Variants in ZNF510 observed in about 807,000 individuals in gnomAD.
The protein encoded by ZNF510 is zinc finger protein 510.
ZNF510 carries 15 observed loss-of-function variants against 18.1 expected under a neutral mutation model. The ratio of observed to expected loss-of-function variants is 0.83; its 90% confidence interval spans 0.55 to 1.28. ZNF510 has a LOEUF of 1.28. Among genes scored for constraint, ZNF510 ranks in the 50% most tolerant of loss-of-function variants. The pLI is 0.00. For missense variants in ZNF510, 724 were observed against 791.8 expected (o/e 0.91, Z 1.03); for synonymous variants, 261 against 266.4 (o/e 0.98, Z 0.20).
In ZNF510 at chr9:96,758,119, T is replaced by TC. The variant is rs912440496; in HGVS notation, c.*658_*659insG. On this transcript the variant is annotated 3_prime_UTR_variant, in exon 6 of 6. Transcript: ENST00000223428. ...AAATTGCGTAAAGTGAAAATACAGATAAGGGGGGACTACTGTATAAGCTTA... is the reference window on the plus strand; with the variant it reads ...AAATTGCGTAAAGTGAAAATACAGATCAAGGGGGGACTACTGTATAAGCTTA... 5.9e-5 allele frequency: 9 copies of TC among 152,182 alleles called. No individual in the cohort carries two copies. Among genetic ancestry groups the TC allele is most frequent in the African/African-American group, 2.2e-4 (9 of 41,434 alleles). The allele number at this position is 152,182 out of a possible 1,614,324, so 9.4% of individuals were successfully genotyped here.
rs2117903907 is a variant in ZNF510, at chr9:96,758,216, GCA to G, written c.*560_*561del. 1 of 152,408 alleles carries G rather than the reference GCA, an allele frequency of 6.6e-6. No individual in the cohort carries two copies. Among genetic ancestry groups the G allele is most frequent in the African/African-American group, 2.4e-5 (1 of 41,564 alleles). 9.4% of individuals were successfully genotyped at this position (152,408 alleles called of 1,614,324 possible). A position where few individuals can be genotyped will look rare whatever the true frequency, so the allele number is the denominator to read the frequency against. ...AATTTTGCTGCGTGTATTCATTCAG[GCA>G]CAGACTTCTTTATCTTGTACCATGC... On this transcript the variant is annotated 3_prime_UTR_variant, in exon 6 of 6. Transcript: ENST00000223428.
intron 3 of ZNF510, among the ~76,000 whole-genome samples, chr9:96,767,570 A>G (rs1476024179): frequency 6.7e-6 from 1 of 149,878 alleles, no homozygotes; most frequent in African/African-American, 2.6e-5. Flanking sequence ...TACAAAATAA[A>G]AAAGACTATA....
At chr9:96,770,614 T>A (rs75807873) in intron 3 of ZNF510, among the ~76,000 whole-genome samples, 3,536 of 127,708 alleles carry the variant, frequency 0.028, 53 homozygotes, top group East Asian at 0.055. Flanking sequence ...AAAAAAAAAA[T>A]ATATATATAT....
At chr9:96,764,412 A>G (rs1229057265) in intron 3 of ZNF510, among the ~76,000 whole-genome samples, 1 of 152,144 alleles carries the variant, frequency 6.6e-6, no homozygotes, top group Non-Finnish European at 1.5e-5. Flanking sequence ...TTGGCCTCCA[A>G]AAGCTCTGGG....
intron 3 of ZNF510, among the ~76,000 whole-genome samples, chr9:96,767,866 C>T (rs1374551871): frequency 6.6e-6 from 1 of 152,124 alleles, no homozygotes; most frequent in Non-Finnish European, 1.5e-5. Context: ...GTGAACATTT[C>T]CTAACTCATT....
At chr9:96,763,664 G>T (rs1156287879) in intron 3 of ZNF510, 32 bp from the exon 4 acceptor site, 1 of 1,543,474 alleles carries the variant, frequency 6.5e-7, no homozygotes. Flanking sequence ...CAATCTGAAG[G>T]GTTCAGAATT....
At position 96,778,071 on chromosome 9, in the gene ZNF510, G is replaced by A. The variant is rs977077984; in HGVS notation, c.-214C>T. ...CCCTCTGCACCAGCAAACACTAACA[G>A]GGAGAAGCCGGAAAGTGGGGTTGAC... On this transcript the variant is annotated 5_prime_UTR_variant, in exon 1 of 6. Coordinates refer to ENST00000223428, the MANE Select transcript of ZNF510 (RefSeq NM_014930.3). The A allele has an allele frequency of 2.0e-5, 3 of 152,318 alleles. No homozygotes were observed. The highest frequency in any genetic ancestry group is 6.5e-5 in the Admixed American group (1 of 15,288). 9.4% of individuals were successfully genotyped at this position (152,318 alleles called of 1,614,324 possible). A position where few individuals can be genotyped will look rare whatever the true frequency, so the allele number is the denominator to read the frequency against.
At position 96,756,488 on chromosome 9, in the gene ZNF510, C is replaced by G. The variant is rs1564430701; in HGVS notation, c.*2290G>C. 1 of 152,218 alleles carries G rather than the reference C, an allele frequency of 6.6e-6. No homozygotes were observed. Among genetic ancestry groups the G allele is most frequent in the Non-Finnish European group, 1.5e-5 (1 of 68,044 alleles). The allele number at this position is 152,218 out of a possible 1,614,324, so 9.4% of individuals were successfully genotyped here. A position where few individuals can be genotyped will look rare whatever the true frequency, so the allele number is the denominator to read the frequency against. ...TTTCCCTTCTAAGAGACAGCTACTA[C>G]TATTGCCTATACAGCTGACATACTG... On this transcript the variant is annotated 3_prime_UTR_variant, in exon 6 of 6. Transcript: ENST00000223428.
At chr9:96,770,380 A>G (rs1305177979) in intron 3 of ZNF510, among the ~76,000 whole-genome samples, 2 of 151,528 alleles carry the variant, frequency 1.3e-5, no homozygotes, top group Non-Finnish European at 2.9e-5. Context: ...ATCTGAGGTC[A>G]GGCGCTCGAG....
chr9:96,771,993 A>G (rs976129101), intron 3 of ZNF510, among the ~76,000 whole-genome samples: 4 of 152,204 alleles, frequency 2.6e-5, no homozygotes, highest in Admixed American at 6.5e-5. Flanking sequence ...AAAAGGACCT[A>G]AAATAGTAAA....
chr9:96,763,621 T>C lies in ZNF510; in HGVS notation c.141A>G (p.Ser47=). ...QKMNISQASV[S]FKDVTIEFTQ... ...TGAATTCTATAGTCACGTCCTTGAA[T>C]GACACTGATGCCTGTAACAGTACAT... Residue 47 remains serine, a synonymous_variant, in exon 4 of 6, where the codon TCA becomes TCG. Coordinates refer to ENST00000223428, the MANE Select transcript of ZNF510 (RefSeq NM_014930.3). 1 of 1,610,586 alleles carries C rather than the reference T, an allele frequency of 6.2e-7. No individual in the cohort carries two copies. Among genetic ancestry groups the C allele is most frequent in the Non-Finnish European group, 8.5e-7 (1 of 1,178,534 alleles).
chr9:96,765,516 TTTC>T (rs1251827860), intron 3 of ZNF510, among the ~76,000 whole-genome samples: 7 of 151,634 alleles, frequency 4.6e-5, no homozygotes, highest in Non-Finnish European at 8.8e-5. Flanking sequence ...GATTTCACTT[TTTC>T]TTTTTTTTTT....
At chr9:96,777,787 TG>T (rs976479440) in intron 1 of ZNF510, 18 of 152,336 alleles carry the variant, frequency 1.2e-4, no homozygotes, top group Admixed American at 9.8e-4. Flanking sequence ...TTCCGACGCC[TG>T]GCTGCATTCT....
In ZNF510 at chr9:96,756,622, A is replaced by C. The variant is rs1849199998; in HGVS notation, c.*2156T>G. The C allele has an allele frequency of 6.6e-6, 1 of 152,190 alleles. No individual in the cohort carries two copies. Among genetic ancestry groups the C allele is most frequent in the South Asian group, 2.1e-4 (1 of 4,826 alleles). The allele number at this position is 152,190 out of a possible 1,614,324, so 9.4% of individuals were successfully genotyped here. On this transcript the variant is annotated 3_prime_UTR_variant, in exon 6 of 6. Coordinates refer to ENST00000223428, the MANE Select transcript of ZNF510 (RefSeq NM_014930.3). ...GTTGAGTCCAAGACGACAAACTCCT[A>C]AAGTGGAATTTTAGGTCAGAACCCT... is the stretch of plus-strand genomic sequence containing the variant.
At position 96,763,605 on chromosome 9, in the gene ZNF510, T is replaced by C. The variant is rs144086091; in HGVS notation, c.157A>G (p.Ile53Val). The change falls in exon 4 of 6, where the codon ATA becomes GTA. Residue 53 changes from isoleucine (I) to valine (V), a missense_variant. Ile to Val is a conservative substitution (Grantham distance 29, BLOSUM62 3). Transcript: ENST00000223428. ...TGCCACTCCTCCTGGGTGAATTCTA[T>C]AGTCACGTCCTTGAATGACACTGAT... is the stretch of plus-strand genomic sequence containing the variant. ...QASVSFKDVT[I>V]EFTQEEWQQM... 691 of 1,613,456 alleles carry C rather than the reference T, an allele frequency of 4.3e-4. 8 individuals carry two copies. In the African/African-American group the frequency reaches 8.3e-3, roughly 19 times the overall value.
chr9:96,758,678 G>A lies in ZNF510; in HGVS notation c.*100C>T, dbSNP rs923092976. 99 of 1,217,964 alleles carry A rather than the reference G, an allele frequency of 8.1e-5. 1 individual carries two copies. In the Middle Eastern group the frequency reaches 8.6e-4, roughly 11 times the overall value. 75.4% of individuals were successfully genotyped at this position (1,217,964 alleles called of 1,614,324 possible). The stretch of plus-strand genomic sequence containing the variant: ...GATTCACAGTGAGGGTTTACTTCTG[G>A]GACTGTCTTCTTACATTCACTACCC... On this transcript the variant is annotated 3_prime_UTR_variant, in exon 6 of 6. Coordinates refer to ENST00000223428, the MANE Select transcript of ZNF510 (RefSeq NM_014930.3).
Position 96,759,261 on chromosome 9 carries a change from T to A in ZNF510, c.1569A>T (p.Lys523Asn). Residue 523 changes from lysine to asparagine, a missense_variant, in exon 6 of 6, where the codon AAA becomes AAT. Coordinates refer to ENST00000223428, the MANE Select transcript of ZNF510 (RefSeq NM_014930.3). ...EKSFQCNQCGKTFGQKSNLRI... is the reference protein window; with the variant it reads ...EKSFQCNQCGNTFGQKSNLRI... ...TGAGGTTTGACTTCTGGCCAAATGT[T>A]TTTCCACATTGATTGCATTGAAAGG... The A allele has an allele frequency of 1.2e-6, 2 of 1,613,966 alleles. No homozygotes were observed. The highest frequency in any genetic ancestry group is 1.7e-6 in the Non-Finnish European group (2 of 1,179,960).
In ZNF510 at chr9:96,776,239, C is replaced by A; in HGVS notation, c.-170G>T. On this transcript the variant is annotated 5_prime_UTR_variant, in exon 2 of 6. It adds an upstream start codon to the 5' untranslated region. Coordinates refer to ENST00000223428, the MANE Select transcript of ZNF510 (RefSeq NM_014930.3). ...GTGGGACTCCTGTTCCTGGGGCTCC[C>A]TCCTTCCTGCAACATAAAGAGCTGC... is the stretch of plus-strand genomic sequence containing the variant. The A allele has an allele frequency of 1.6e-6, 2 of 1,260,536 alleles. No homozygotes were observed. The allele number at this position is 1,260,536 out of a possible 1,614,324, so 78.1% of individuals were successfully genotyped here.
chr9:96,763,711 T>A (rs111828674), intron 3 of ZNF510, 79 bp from the exon 4 acceptor site: 2 of 1,384,904 alleles, frequency 1.4e-6, no homozygotes, highest in African/African-American at 1.5e-5. Context: ...ACAATTCTTA[T>A]CAGGTTTAAC....
Sources: allele counts gnomAD v4.1 joint callset (sites outside exome capture counted in the v4.1 genomes callset), GRCh38; gene constraint gnomAD v4.1.1; transcripts MANE v1.5; gene names NCBI Gene and HGNC (gene_info 2026-07-23, HGNC 2026-07-21).